Variants in SH3BP5 observed in about 807,000 individuals in gnomAD.
SH3BP5 encodes the protein SH3 domain binding protein 5, also known as SH3 domain-binding protein 5.
SH3BP5 carries 22 observed loss-of-function variants against 43.3 expected under a neutral mutation model. The ratio of observed to expected loss-of-function variants is 0.51; its 90% CI spans 0.36 to 0.73. The LOEUF (loss-of-function observed/expected upper bound fraction) is 0.73, where lower values mean the gene tolerates loss of function less well. SH3BP5 is among the 30% of genes least tolerant of loss of function. SH3BP5 has a pLI of 0.00. For missense variants in SH3BP5, 529 were observed against 586.9 expected (o/e 0.90, Z 1.02); for synonymous variants, 255 against 225.8 (o/e 1.13, Z -1.16).
intron 4 of SH3BP5, among the ~76,000 whole-genome samples, chr3:15,268,498 G>A (rs1364439138): frequency 6.6e-6 from 1 of 152,106 alleles, no homozygotes; most frequent in Non-Finnish European, 1.5e-5. Flanking sequence ...CCCTACACTC[G>A]TTTTCCAGGC....
Position 15,258,931 on chromosome 3 carries a change from G to A in SH3BP5, c.789C>T (p.Ser263=), listed in dbSNP as rs1306227418. 1.9e-6 allele frequency: 3 copies of A among 1,614,220 alleles called. No individual in the cohort carries two copies. Among genetic ancestry groups the A allele is most frequent in the Non-Finnish European group, 2.5e-6 (3 of 1,180,036 alleles). Residue 263 remains serine (S), a synonymous_variant, in exon 7 of 9, where the codon TCC becomes TCT. Transcript: ENST00000383791. ...ISDEIHERRR[S]SAMGPRGCGV... is the part of the protein sequence containing the mutation. Reference sequence around the variant, plus strand: ...CGCATCCCCGAGGCCCCATGGCACTGGAGCGCCGCCGCTCGTGGATCTCAT... The same window carrying A: ...CGCATCCCCGAGGCCCCATGGCACTAGAGCGCCGCCGCTCGTGGATCTCAT...
At chr3:15,263,234 C>G (rs6442508) in intron 4 of SH3BP5, among the ~76,000 whole-genome samples, 9,349 of 152,276 alleles carry the variant, frequency 0.061, 698 homozygotes, top group African/African-American at 0.17. Context: ...GCCACCTAGA[C>G]CTCCTCCCGT....
chr3:15,287,235 G>A (rs1241763271), intron 3 of SH3BP5, among the ~76,000 whole-genome samples: 2 of 152,192 alleles, frequency 1.3e-5, no homozygotes, highest in Non-Finnish European at 2.9e-5. Flanking sequence ...ATTAGCTTGT[G>A]GGTATTAACC....
chr3:15,296,341 T>TATACACACACACACAC (rs1553616951), intron 3 of SH3BP5, among the ~76,000 whole-genome samples: 39 of 146,262 alleles, frequency 2.7e-4, no homozygotes, highest in African/African-American at 8.6e-4. Flanking sequence ...GGAAATCATA[T>TATACACACACACACAC]ACACACACAC....
intron 3 of SH3BP5, among the ~76,000 whole-genome samples, chr3:15,302,252 C>G (rs1191285457): frequency 2.6e-5 from 4 of 152,126 alleles, no homozygotes; most frequent in Non-Finnish European, 4.4e-5. Context: ...CCTCAGGGTG[C>G]TGGAATCTGT....
chr3:15,311,213 G>C (rs1698048855), intron 2 of SH3BP5, among the ~76,000 whole-genome samples: 1 of 152,146 alleles, frequency 6.6e-6, no homozygotes, highest in South Asian at 2.1e-4. Flanking sequence ...CATTATCTGA[G>C]ACACACAACA....
chr3:15,310,574 G>A lies in SH3BP5; in HGVS notation c.202-6343C>T, dbSNP rs114319025. On this transcript the variant is annotated intron_variant, in intron 2 of 8. Transcript: ENST00000383791. ...GCTTTCCCTGCAGAAAATGAGCCAT[G>A]GAGGGGAGTGGCTCAAAAGTACAAA... is the stretch of plus-strand genomic sequence containing the variant. 1.0e-3 allele frequency among the ~76,000 whole-genome samples: 154 copies of A among 152,288 alleles called. 1 individual carries two copies. Among genetic ancestry groups the A allele is most frequent in the African/African-American group, 3.4e-3 (140 of 41,556 alleles).
Position 15,292,974 on chromosome 3 carries a change from G to A in SH3BP5, c.330+11129C>T, listed in dbSNP as rs550805391. ...CTGGCAGAAGCCCAAAAATCTACTT[G>A]TGTGTGTCAGGAGCCTTTGACCTGG... On this transcript the variant is annotated intron_variant, in intron 3 of 8. Transcript: ENST00000383791. Among the ~76,000 whole-genome samples, 3 of 152,310 alleles carry A rather than the reference G, an allele frequency of 2.0e-5. No individual in the cohort carries two copies. In the East Asian group the frequency reaches 5.8e-4, roughly 29 times the overall value.
chr3:15,281,039 A>G (rs1427424684), intron 3 of SH3BP5, among the ~76,000 whole-genome samples: 1 of 152,170 alleles, frequency 6.6e-6, no homozygotes, highest in Non-Finnish European at 1.5e-5. Context: ...GTGTTCTGTA[A>G]TTATGCCTCA....
At chr3:15,308,858 T>C (rs1461846878) in intron 2 of SH3BP5, among the ~76,000 whole-genome samples, 2 of 152,192 alleles carry the variant, frequency 1.3e-5, no homozygotes, top group African/African-American at 4.8e-5. Flanking sequence ...TGGGTTTTCT[T>C]CCCATAGGGT....
chr3:15,329,356 A>T (rs142584592), intron 2 of SH3BP5, among the ~76,000 whole-genome samples: 245 of 152,268 alleles, frequency 1.6e-3, no homozygotes, highest in South Asian at 0.012. Flanking sequence ...GGTTTCAGTT[A>T]CCCCACATCA....
intron 3 of SH3BP5, among the ~76,000 whole-genome samples, chr3:15,298,354 A>T (rs1416926100): frequency 2.6e-5 from 4 of 152,222 alleles, no homozygotes; most frequent in Non-Finnish European, 5.9e-5. Flanking sequence ...GTGAGCCTAC[A>T]AGTCACTCTA....
At chr3:15,321,795 T>C (rs1458707405) in intron 2 of SH3BP5, among the ~76,000 whole-genome samples, 2 of 144,904 alleles carry the variant, frequency 1.4e-5, no homozygotes, top group African/African-American at 5.0e-5. Context: ...CACCTGGATG[T>C]CACAACATCA....
At chr3:15,275,510 T>C (rs1696937140) in intron 3 of SH3BP5, among the ~76,000 whole-genome samples, 1 of 152,194 alleles carries the variant, frequency 6.6e-6, no homozygotes, top group Non-Finnish European at 1.5e-5. Context: ...TCTCAGGTCC[T>C]GTGGTGTGCA....
intron 1 of SH3BP5, 168 bp downstream of exon 1, chr3:15,332,103 T>G: frequency 2.7e-6 from 3 of 1,094,220 alleles, no homozygotes; most frequent in Non-Finnish European, 3.9e-6. Flanking sequence ...AGCCTCCTCA[T>G]TGTGGAGACG....
At position 15,259,768 on chromosome 3, in the gene SH3BP5, T is replaced by C; in HGVS notation, c.662A>G (p.Gln221Arg). 6.2e-7 allele frequency: 1 copy of C among 1,614,142 alleles called. No homozygotes were observed. Among genetic ancestry groups the C allele is most frequent in the Non-Finnish European group, 8.5e-7 (1 of 1,180,006 alleles). The stretch of plus-strand genomic sequence containing the variant: ...GCCCAAAGCTACACATACCTCGAGC[T>C]GCACATAGTACTTTGCCTTGAGTTC... ...YFELKAKYYV[Q>R]LEQLKKTVDD... The change falls in exon 6 of 9, where the codon CAG becomes CGG. Residue 221 changes from glutamine (Q) to arginine (R), a missense_variant. Gln to Arg is a conservative substitution (Grantham distance 43). Around this residue, in one of 3 missense-constraint regions of SH3BP5, gnomAD observed 369 missense variants for 384.3 expected, o/e 0.96. Coordinates refer to ENST00000383791, the MANE Select transcript of SH3BP5 (RefSeq NM_004844.5).
At chr3:15,313,963 G>A (rs1345677708) in intron 2 of SH3BP5, among the ~76,000 whole-genome samples, 2 of 151,982 alleles carry the variant, frequency 1.3e-5, no homozygotes, top group Admixed American at 1.3e-4. Context: ...TTAACCTGGT[G>A]TGGCACTGCA....
chr3:15,310,136 T>C (rs1343153182), intron 2 of SH3BP5, among the ~76,000 whole-genome samples: 1 of 152,162 alleles, frequency 6.6e-6, no homozygotes, highest in Admixed American at 6.5e-5. Context: ...ACAGTGATTG[T>C]TCGATGAGCA....
At chr3:15,331,880 A>C in intron 1 of SH3BP5, 2 of 177,940 alleles carry the variant, frequency 1.1e-5, no homozygotes, top group Non-Finnish European at 2.4e-5. Flanking sequence ...CACGCGGGCG[A>C]CACCTCCTCG....
Sources: allele counts gnomAD v4.1 joint callset (sites outside exome capture counted in the v4.1 genomes callset), GRCh38; gene constraint gnomAD v4.1.1; regional missense constraint gnomAD v4.1.1; transcripts MANE v1.5; gene names NCBI Gene and HGNC (gene_info 2026-07-23, HGNC 2026-07-21).